SCN2A: variants seen among roughly 807,000 people sequenced by gnomAD.
The protein encoded by SCN2A is sodium channel protein type 2 subunit alpha.
A neutral mutation model predicts 188.7 loss-of-function variants in SCN2A; 20 were observed. The observed-to-expected ratio is 0.11, with a 90% CI of 0.07 to 0.15. The LOEUF is 0.15. Among genes scored for constraint, SCN2A ranks in the 10% least tolerant of loss-of-function variants. The pLI, the probability that SCN2A is intolerant of heterozygous loss-of-function variation, is 1.00. For missense variants in SCN2A, 1,278 were observed against 2,445.0 expected (o/e 0.52, Z 10.07); for synonymous variants, 804 against 833.1 (o/e 0.97, Z 0.60).
At chr2:165,378,697 C>G (rs1326203170) in intron 23 of SCN2A, among the ~76,000 whole-genome samples, 1 of 151,698 alleles carries the variant, frequency 6.6e-6, no homozygotes, top group Non-Finnish European at 1.5e-5. Context: ...CTCCACCTTC[C>G]TTATCAATAG....
At chr2:165,340,694 T>A (rs1337692390) in intron 14 of SCN2A, among the ~76,000 whole-genome samples, 1 of 152,054 alleles carries the variant, frequency 6.6e-6, no homozygotes, top group Non-Finnish European at 1.5e-5. Context: ...ACAGAGAGAG[T>A]TCTGAATAAA....
intron 1 of SCN2A, among the ~76,000 whole-genome samples, chr2:165,262,557 T>C (rs1243817642): frequency 1.3e-5 from 2 of 152,038 alleles, no homozygotes; most frequent in Non-Finnish European, 2.9e-5. Flanking sequence ...TTTCATTCCT[T>C]TTTAAGACAA....
chr2:165,265,670 C>T (rs1280383179), intron 1 of SCN2A, among the ~76,000 whole-genome samples: 2 of 150,340 alleles, frequency 1.3e-5, no homozygotes, highest in Non-Finnish European at 3.0e-5. Flanking sequence ...AAATGAAAAT[C>T]CATTCATTTT....
chr2:165,299,108 GA>G (rs563324564), intron 3 of SCN2A, among the ~76,000 whole-genome samples: 17 of 149,058 alleles, frequency 1.1e-4, no homozygotes, highest in African/African-American at 2.7e-4. Flanking sequence ...GTCCCCACTT[GA>G]AAAAAAAAAT....
chr2:165,315,211 T>C (rs996551427), intron 10 of SCN2A, among the ~76,000 whole-genome samples: 9 of 152,204 alleles, frequency 5.9e-5, no homozygotes, highest in African/African-American at 2.2e-4. Flanking sequence ...GTCTTGCTCA[T>C]ATTATTAGAT....
chr2:165,314,233 G>T (rs373419267), intron 10 of SCN2A, 125 bp downstream of exon 10: 1 of 930,540 alleles, frequency 1.1e-6, no homozygotes, highest in Non-Finnish European at 1.7e-6. Context: ...AGTGCTAGGA[G>T]CCTGTTTGGT....
Position 165,392,129 on chromosome 2 carries a change from A to G in SCN2A, c.*2305A>G, listed in dbSNP as rs371709148. On this transcript the variant is annotated 3_prime_UTR_variant, in exon 27 of 27. Coordinates refer to ENST00000375437, the MANE Select transcript of SCN2A (RefSeq NM_001040142.2). ...TCATGTAAAAATAATCTATCTGAAA[A>G]ACAAATGTAAAGAACACACATTAAT... 1 of 152,686 alleles carries G rather than the reference A, an allele frequency of 6.5e-6. No individual in the cohort carries two copies. Among genetic ancestry groups the G allele is most frequent in the East Asian group, 1.9e-4 (1 of 5,178 alleles). 9.5% of individuals were successfully genotyped at this position (152,686 alleles called of 1,614,324 possible).
At position 165,297,054 on chromosome 2, in the gene SCN2A, G is replaced by C; in HGVS notation, c.305G>C (p.Arg102Pro). The change falls in exon 3 of 27, where the codon CGA becomes CCA. Residue 102 changes from arginine to proline, a missense_variant. Arg to Pro is a moderately radical substitution (Grantham distance 103). Around this residue, in one of 17 missense-constraint regions of SCN2A, gnomAD observed 141 missense variants for 185.4 expected, o/e 0.76. Coordinates refer to ENST00000375437, the MANE Select transcript of SCN2A (RefSeq NM_001040142.2). ...TTGAATAAAGGGAAAGCAATCTCTC[G>C]ATTCAGTGCCACCCCTGCCCTTTAC... ...IVLNKGKAIS[R>P]FSATPALYIL... The C allele has an allele frequency of 6.2e-7, 1 of 1,611,042 alleles. No individual in the cohort carries two copies. The highest frequency in any genetic ancestry group is 8.5e-7 in the Non-Finnish European group (1 of 1,177,920).
chr2:165,293,796 C>G (rs1011472959), intron 1 of SCN2A: 2 of 967,202 alleles, frequency 2.1e-6, no homozygotes, highest in Non-Finnish European at 2.5e-6. Flanking sequence ...CCAAGAAAAG[C>G]CTGTGGAAGA....
intron 12 of SCN2A, among the ~76,000 whole-genome samples, chr2:165,323,943 A>G (rs968277823): frequency 6.6e-6 from 1 of 152,256 alleles, no homozygotes; most frequent in Non-Finnish European, 1.5e-5. Context: ...TAAATCCCAT[A>G]GTACAACATT....
At chr2:165,381,799 T>C (rs1021345262) in intron 25 of SCN2A, among the ~76,000 whole-genome samples, 2 of 152,056 alleles carry the variant, frequency 1.3e-5, no homozygotes, top group East Asian at 3.8e-4. Context: ...TTCGTTCAGT[T>C]TGGCTGCTGC....
intron 25 of SCN2A, among the ~76,000 whole-genome samples, chr2:165,382,154 G>C (rs1007693739): frequency 6.6e-6 from 1 of 152,030 alleles, no homozygotes; most frequent in Non-Finnish European, 1.5e-5. Flanking sequence ...ATACTTCATA[G>C]CCATATAGAC....
At chr2:165,376,047 G>A (rs986249320) in intron 22 of SCN2A, among the ~76,000 whole-genome samples, 1 of 151,866 alleles carries the variant, frequency 6.6e-6, no homozygotes, top group Non-Finnish European at 1.5e-5. Flanking sequence ...CCAGGGGCTG[G>A]GGGATGATGG....
intron 11 of SCN2A, among the ~76,000 whole-genome samples, chr2:165,318,357 C>T (rs1275364709): frequency 3.3e-5 from 5 of 151,908 alleles, no homozygotes; most frequent in Non-Finnish European, 1.5e-5. Context: ...TTTTTTGAAA[C>T]CTTTATAAGG....
At chr2:165,320,144 AG>A (rs1484099031) in intron 11 of SCN2A, 1 of 152,278 alleles carries the variant, frequency 6.6e-6, no homozygotes, top group Non-Finnish European at 1.5e-5. Flanking sequence ...GCCAAAACAA[AG>A]GGGCTACATG....
At chr2:165,301,406 A>G (rs1286410893) in intron 3 of SCN2A, among the ~76,000 whole-genome samples, 2 of 152,186 alleles carry the variant, frequency 1.3e-5, no homozygotes, top group Non-Finnish European at 2.9e-5. Flanking sequence ...GTAATGCTGA[A>G]CTACCTATCA....
At chr2:165,272,102 T>C (rs1233410942) in intron 1 of SCN2A, 1 of 152,048 alleles carries the variant, frequency 6.6e-6, no homozygotes, top group Non-Finnish European at 1.5e-5. Flanking sequence ...CAAAGTTCAG[T>C]GGTATGCTGT....
At chr2:165,291,416 CTCCCTGT>C (rs1559339971) in intron 1 of SCN2A, among the ~76,000 whole-genome samples, 9 of 136,880 alleles carry the variant, frequency 6.6e-5, no homozygotes, top group African/African-American at 2.2e-4. Context: ...TCCTTCCTTC[CTCCCTGT>C]CTGTCTTTCT....
intron 16 of SCN2A, among the ~76,000 whole-genome samples, chr2:165,345,750 T>C (rs1345125633): frequency 3.3e-5 from 5 of 152,198 alleles, no homozygotes; most frequent in Non-Finnish European, 5.9e-5. Context: ...ACCCTGTCAT[T>C]ATGATGCTAG....
Sources: allele counts gnomAD v4.1 joint callset (sites outside exome capture counted in the v4.1 genomes callset), GRCh38; gene constraint gnomAD v4.1.1; regional missense constraint gnomAD v4.1.1; transcripts MANE v1.5; gene names NCBI Gene and HGNC (gene_info 2026-07-23, HGNC 2026-07-21).